The following ARID1B variants were observed in gnomAD, a reference collection of about 807,000 sequenced individuals.
ARID1B encodes AT-rich interactive domain-containing protein 1B.
Under a neutral mutation model 212.3 loss-of-function variants are expected in ARID1B, and 30 were observed. That is an observed-to-expected ratio of 0.14 (90% CI 0.11 to 0.19). The LOEUF (loss-of-function observed/expected upper bound fraction) is 0.19, where lower values mean the gene tolerates loss of function less well. Among genes scored for constraint, ARID1B ranks in the 10% least tolerant of loss-of-function variants. The pLI is 1.00. For missense variants in ARID1B, 2,891 were observed against 3,204.0 expected (o/e 0.90, Z 2.36); for synonymous variants, 1,402 against 1,301.7 (o/e 1.08, Z -1.66).
intron 2 of ARID1B, among the ~76,000 whole-genome samples, chr6:156,840,856 C>T (rs1318962091): frequency 6.6e-6 from 1 of 152,186 alleles, no homozygotes; most frequent in African/African-American, 2.4e-5. Context: ...ATGGCTGCTA[C>T]TCTGCTCTAA....
chr6:157,034,597 T>G (rs551679020), intron 4 of ARID1B, among the ~76,000 whole-genome samples: 1 of 152,362 alleles, frequency 6.6e-6, no homozygotes, highest in East Asian at 1.9e-4. Flanking sequence ...CCGGTAAGTT[T>G]AATGACTACT....
intron 3 of ARID1B, among the ~76,000 whole-genome samples, chr6:156,908,897 C>G (rs1406073900): frequency 6.6e-6 from 1 of 152,036 alleles, no homozygotes; most frequent in Non-Finnish European, 1.5e-5. Flanking sequence ...AGTTTTATTA[C>G]AAGAAGAATA....
chr6:157,196,094 C>G (rs2128355200), intron 15 of ARID1B, 71 bp from the exon 16 acceptor site: 1 of 1,563,750 alleles, frequency 6.4e-7, no homozygotes, highest in Non-Finnish European at 8.7e-7. Flanking sequence ...ATAGAGATGA[C>G]TAGAAGGGAT....
Position 156,778,903 on chromosome 6 carries a change from GAGGAGGAGGAGCAGGAGC to G in ARID1B, c.1232_1249del (p.Gly411_Gly416del), listed in dbSNP as rs1778927324. On this transcript the variant is annotated inframe_deletion, in exon 1 of 20. Coordinates refer to ENST00000636930, the MANE Select transcript of ARID1B (RefSeq NM_001374828.1). ...GGAGGAGGCAGCGGAGGAGGAGGAGGAGGAGGAGGAGCAGGAGCAGGAGGAGCAGGAGCGGGAGCTGTG... is the reference window on the plus strand; with the variant it reads ...GGAGGAGGCAGCGGAGGAGGAGGAGGAGGAGGAGCAGGAGCGGGAGCTGTG... 5 of 1,369,666 alleles carry G rather than the reference GAGGAGGAGGAGCAGGAGC, an allele frequency of 3.7e-6. No homozygotes were observed. In the East Asian group the frequency reaches 1.6e-4, roughly 43 times the overall value. 84.8% of individuals were successfully genotyped at this position (1,369,666 alleles called of 1,614,324 possible).
At position 156,968,099 on chromosome 6, in the gene ARID1B, C is replaced by T. The variant is rs192312002; in HGVS notation, c.2247+32523C>T. ...GGGAGCTGTCTCCCCTTCATGTAGCCACTGTCCTTGAGCTTTAACCAAGCA... is the reference window on the plus strand; with the variant it reads ...GGGAGCTGTCTCCCCTTCATGTAGCTACTGTCCTTGAGCTTTAACCAAGCA... On this transcript the variant is annotated intron_variant, in intron 4 of 19. Transcript: ENST00000636930. Among the ~76,000 whole-genome samples the T allele has an allele frequency of 9.2e-5, 14 of 152,330 alleles. No individual in the cohort carries two copies. In the East Asian group the frequency reaches 2.7e-3, roughly 29 times the overall value.
At chr6:157,192,291 T>C (rs1416369735) in intron 15 of ARID1B, among the ~76,000 whole-genome samples, 2 of 152,172 alleles carry the variant, frequency 1.3e-5, no homozygotes, top group African/African-American at 4.8e-5. Flanking sequence ...GGCCTCAAAA[T>C]GTATTGCAAA....
chr6:157,015,358 A>G (rs879662694), intron 4 of ARID1B, among the ~76,000 whole-genome samples: 3 of 152,242 alleles, frequency 2.0e-5, no homozygotes, highest in African/African-American at 4.8e-5. Flanking sequence ...AGTTTTTGAC[A>G]TGTTAAATTC....
At position 157,015,856 on chromosome 6, in the gene ARID1B, A is replaced by AT. The variant is rs531656899; in HGVS notation, c.2248-68805dup. 1.9e-4 allele frequency among the ~76,000 whole-genome samples: 29 copies of AT among 152,322 alleles called. No homozygotes were observed. In the East Asian group the frequency reaches 5.6e-3, roughly 29 times the overall value. ...TTACTCCGACCCCACTGCTACATAC[A>AT]TCCCCCAACCCTCAGAAAGAAACAC... On this transcript the variant is annotated intron_variant, in intron 4 of 19. Coordinates refer to ENST00000636930, the MANE Select transcript of ARID1B (RefSeq NM_001374828.1).
At chr6:156,828,587 C>A (rs1189142645) in intron 1 of ARID1B, among the ~76,000 whole-genome samples, 2 of 152,216 alleles carry the variant, frequency 1.3e-5, no homozygotes, top group African/African-American at 4.8e-5. Context: ...AATTCAACAT[C>A]TACTTGTGAA....
chr6:157,096,072 C>T (rs1785602062), intron 5 of ARID1B, among the ~76,000 whole-genome samples: 1 of 152,188 alleles, frequency 6.6e-6, no homozygotes, highest in African/African-American at 2.4e-5. Context: ...CCTGGAACAT[C>T]CATCCCACTC....
chr6:156,903,785 C>T lies in ARID1B; in HGVS notation c.2136+2260C>T, dbSNP rs769009013. Among the ~76,000 whole-genome samples, 22 of 152,280 alleles carry T rather than the reference C, an allele frequency of 1.4e-4. 1 individual carries two copies. Among genetic ancestry groups the T allele is most frequent in the Admixed American group, 1.2e-3 (19 of 15,302 alleles). On this transcript the variant is annotated intron_variant, in intron 3 of 19. Transcript: ENST00000636930. ...TATTTAACCAGCTAGTATTTCATAA[C>T]GACCAGAACATTTCTTTATGCAGTC... is the stretch of plus-strand genomic sequence containing the variant.
At chr6:157,195,012 A>G (rs1355986864) in intron 15 of ARID1B, 1 of 152,224 alleles carries the variant, frequency 6.6e-6, no homozygotes, top group Non-Finnish European at 1.5e-5. Flanking sequence ...TCTCTAAAAA[A>G]CATAATAAAA....
At chr6:157,149,027 G>A in intron 8 of ARID1B, 76 bp downstream of exon 8, 1 of 1,432,044 alleles carries the variant, frequency 7.0e-7, no homozygotes. Flanking sequence ...GCACATAGCT[G>A]CATTGTTCCC....
intron 4 of ARID1B, among the ~76,000 whole-genome samples, chr6:157,073,410 A>G (rs1381647312): frequency 1.3e-5 from 2 of 151,974 alleles, no homozygotes; most frequent in African/African-American, 4.8e-5. Flanking sequence ...GGCCCTATGC[A>G]CCCCATCTTT....
chr6:156,930,552 A>G (rs1250994250), intron 3 of ARID1B, among the ~76,000 whole-genome samples: 1 of 152,234 alleles, frequency 6.6e-6, no homozygotes, highest in African/African-American at 2.4e-5. Flanking sequence ...TCACTTGTAA[A>G]GATTGATGCT....
At chr6:157,031,230 T>G (rs910486640) in intron 4 of ARID1B, among the ~76,000 whole-genome samples, 32 of 152,140 alleles carry the variant, frequency 2.1e-4, no homozygotes, top group African/African-American at 7.7e-4. Context: ...TGGAACATGG[T>G]TTTGGAGAGC....
chr6:156,977,056 T>G, intron 4 of ARID1B: 1 of 397,158 alleles, frequency 2.5e-6, no homozygotes, highest in Non-Finnish European at 4.8e-6. Flanking sequence ...GGGAAAATCC[T>G]GGAATTCTTT....
intron 5 of ARID1B, among the ~76,000 whole-genome samples, chr6:157,096,071 TC>T (rs1785602285): frequency 6.6e-6 from 1 of 152,148 alleles, no homozygotes; most frequent in African/African-American, 2.4e-5. Context: ...GCCTGGAACA[TC>T]CATCCCACTC....
At chr6:156,851,553 C>G (rs1420363152) in intron 2 of ARID1B, among the ~76,000 whole-genome samples, 1 of 152,142 alleles carries the variant, frequency 6.6e-6, no homozygotes, top group Non-Finnish European at 1.5e-5. Context: ...TATTTCAGAC[C>G]TGGCCTGTCT....
Sources: allele counts gnomAD v4.1 joint callset (sites outside exome capture counted in the v4.1 genomes callset), GRCh38; gene constraint gnomAD v4.1.1; transcripts MANE v1.5; gene names NCBI Gene and HGNC (gene_info 2026-07-23, HGNC 2026-07-21).